The following TLE3 variants were observed in gnomAD, a reference collection of about 807,000 sequenced individuals.
TLE3 encodes transducin-like enhancer protein 3.
In TLE3, 14 loss-of-function variants were observed where a neutral mutation model predicts 93.0. The ratio of observed to expected loss-of-function variants is 0.15; its 90% CI spans 0.10 to 0.24. The LOEUF (loss-of-function observed/expected upper bound fraction) is 0.24, where lower values mean the gene tolerates loss of function less well. Ranked by LOEUF, TLE3 falls within the 10% of genes least tolerant of loss-of-function variation. TLE3 has a pLI of 1.00. For synonymous variants in TLE3, 451 were observed against 425.0 expected (o/e 1.06, Z -0.75); for missense variants, 693 against 1,046.6 (o/e 0.66, Z 4.66).
At chr15:70,057,392 C>T (rs909026757) in intron 13 of TLE3, 67 bp downstream of exon 13, 1 of 1,506,440 alleles carries the variant, frequency 6.6e-7, no homozygotes, top group Non-Finnish European at 8.9e-7. Context: ...GTGGGGAGCA[C>T]CCGTCCAACC....
intron 8 of TLE3, among the ~76,000 whole-genome samples, chr15:70,061,509 A>T (rs1255664287): frequency 2.5e-4 from 38 of 152,134 alleles, no homozygotes; most frequent in Admixed American, 2.5e-3. Context: ...AGGGAAGATG[A>T]CGGAGTAGTC....
At chr15:70,078,211 C>T (rs555373758) in intron 4 of TLE3, among the ~76,000 whole-genome samples, 1 of 152,182 alleles carries the variant, frequency 6.6e-6, no homozygotes, top group East Asian at 1.9e-4. Flanking sequence ...CTTATTTTTT[C>T]CTCGCCTAAA....
At chr15:70,077,516 C>T (rs1315426778) in intron 4 of TLE3, among the ~76,000 whole-genome samples, 3 of 152,212 alleles carry the variant, frequency 2.0e-5, no homozygotes, top group African/African-American at 4.8e-5. Context: ...CCCTGGACCT[C>T]GGGAGAATTC....
At position 70,049,163 on chromosome 15, in the gene TLE3, CAAT is replaced by C. The variant is rs2055305424; in HGVS notation, c.*931_*933del. On this transcript the variant is annotated 3_prime_UTR_variant, in exon 20 of 20. Transcript: ENST00000451782. ...TCCTTTGAACTTCCATTGCTCACAA[CAAT>C]AACTAAGTGTGCACCAAAGAGAAAG... is the stretch of plus-strand genomic sequence containing the variant. 6.6e-6 allele frequency: 1 copy of C among 152,240 alleles called. No homozygotes were observed. The highest frequency in any genetic ancestry group is 2.4e-5 in the African/African-American group (1 of 41,444). The allele number at this position is 152,240 out of a possible 1,614,324, so 9.4% of individuals were successfully genotyped here. A position where few individuals can be genotyped will look rare whatever the true frequency, so the allele number is the denominator to read the frequency against.
At chr15:70,066,731 A>G (rs1233502827) in intron 6 of TLE3, 1 of 169,812 alleles carries the variant, frequency 5.9e-6, no homozygotes, top group African/African-American at 2.4e-5. Context: ...AGGGCAGGTC[A>G]TCACAGCAAA....
intron 2 of TLE3, chr15:70,095,865 C>T (rs2058530003): frequency 1.6e-6 from 1 of 641,408 alleles, no homozygotes; most frequent in Non-Finnish European, 2.7e-6. Context: ...CTTATCACGG[C>T]AGCAGGGGAG....
chr15:70,080,838 T>G (rs1313000915), intron 4 of TLE3, among the ~76,000 whole-genome samples: 1 of 152,222 alleles, frequency 6.6e-6, no homozygotes, highest in African/African-American at 2.4e-5. Flanking sequence ...GCTCTTGATC[T>G]GTACCCCCCA....
rs7179730 is a variant in TLE3, at chr15:70,055,136, G to A, written c.1491C>T (p.His497=). Residue 497 remains histidine, a synonymous_variant, in exon 15 of 20, where the codon CAC becomes CAT. Transcript: ENST00000451782. Reference sequence around the variant, plus strand: ...CGCAGCCCTTGCCACCTGTGTAGACGTGCCTCGTGGGGTTGCTGATGGTCA... The same window carrying A: ...CGCAGCCCTTGCCACCTGTGTAGACATGCCTCGTGGGGTTGCTGATGGTCA... The part of the protein sequence containing the change: ...CAVTISNPTR[H]VYTGGKGCVK... 1.5e-4 allele frequency: 248 copies of A among 1,614,054 alleles called. 2 individuals carry two copies. The African/African-American group carries it at 2.9e-3, about 19-fold the overall frequency.
At chr15:70,074,015 T>C (rs1220511394) in intron 6 of TLE3, among the ~76,000 whole-genome samples, 1 of 152,218 alleles carries the variant, frequency 6.6e-6, no homozygotes, top group East Asian at 1.9e-4. Context: ...GCGTACATGA[T>C]GAATGCTCAG....
At chr15:70,094,055 T>C (rs1400580057) in intron 4 of TLE3, among the ~76,000 whole-genome samples, 1 of 152,052 alleles carries the variant, frequency 6.6e-6, no homozygotes, top group Non-Finnish European at 1.5e-5. Flanking sequence ...TTCGTTCCCT[T>C]AAATTTCGAC....
chr15:70,052,247 G>A (rs1045092250), intron 18 of TLE3, 127 bp downstream of exon 18: 1 of 1,231,476 alleles, frequency 8.1e-7, no homozygotes, highest in African/African-American at 1.5e-5. Flanking sequence ...CAGCTCAGGG[G>A]TCAGGAGGCC....
chr15:70,057,557 C>G lies in TLE3; in HGVS notation c.1153G>C (p.Ala385Pro). The change falls in exon 13 of 20, where the codon GCC becomes CCC. Residue 385 changes from alanine (A) to proline (P), a missense_variant. By Grantham distance (27) the Ala-to-Pro change is conservative. This residue lies in a region of TLE3 where 405 missense variants were observed against 468.9 expected (regional missense o/e 0.86). Transcript: ENST00000451782. ...GGGATGTTGTGGAGGCCGGCGTAGG[C>G]GCCAGGACTGGTGAGGGAGCCGTTC... ...EMNGSLTSPG[A>P]YAGLHNIPPQ... The G allele has an allele frequency of 6.2e-7, 1 of 1,602,642 alleles. No homozygotes were observed. Among genetic ancestry groups the G allele is most frequent in the South Asian group, 1.1e-5 (1 of 89,200 alleles).
chr15:70,097,372 G>A lies in TLE3; in HGVS notation c.-574C>T, dbSNP rs1046372566. The A allele has an allele frequency of 1.7e-5, 7 of 405,814 alleles. No individual in the cohort carries two copies. Among genetic ancestry groups the A allele is most frequent in the Admixed American group, 8.8e-5 (2 of 22,720 alleles). The allele number at this position is 405,814 out of a possible 1,614,324, so 25.1% of individuals were successfully genotyped here. On this transcript the variant is annotated 5_prime_UTR_variant, in exon 1 of 20. Transcript: ENST00000451782. The stretch of plus-strand genomic sequence containing the variant: ...GCTTGGGGCCGCAGGAGCGCCGGAG[G>A]GTGAGGGCGGGAGCCCGGCGCGGGC...
chr15:70,085,985 G>T (rs959637174), intron 4 of TLE3, among the ~76,000 whole-genome samples: 3 of 152,200 alleles, frequency 2.0e-5, no homozygotes, highest in Non-Finnish European at 2.9e-5. Flanking sequence ...AAAAGAAGCA[G>T]GTAAGGGTTT....
rs772951831 is a variant in TLE3, at chr15:70,050,059, T to C, written c.*38A>G. 3.2e-6 allele frequency: 5 copies of C among 1,578,604 alleles called. No individual in the cohort carries two copies. In the African/African-American group the frequency reaches 6.7e-5, roughly 21 times the overall value. On this transcript the variant is annotated 3_prime_UTR_variant, in exon 20 of 20. Transcript: ENST00000451782. ...GGTCTCCCTGTCAGAGCCGAGTCGG[T>C]TTCTCCCAGAGTTTGACAGCCCTGC... is the stretch of plus-strand genomic sequence containing the variant.
At position 70,057,599 on chromosome 15, in the gene TLE3, T is replaced by C. The variant is rs1389580599; in HGVS notation, c.1111A>G (p.Met371Val). 8 of 1,596,020 alleles carry C rather than the reference T, an allele frequency of 5.0e-6. No homozygotes were observed. The highest frequency in any genetic ancestry group is 5.1e-6 in the Non-Finnish European group (6 of 1,172,646). The change falls in exon 13 of 20, where the codon ATG becomes GTG. Residue 371 changes from methionine (M) to valine (V), a missense_variant. Physicochemically the swap from Met to Val is conservative, Grantham distance 21. Around this residue, in one of 4 missense-constraint regions of TLE3, gnomAD observed 405 missense variants for 468.9 expected, o/e 0.86. Coordinates refer to ENST00000451782, the MANE Select transcript of TLE3 (RefSeq NM_001105192.3). Reference protein sequence around the residue: ...TSSYAAPFAMMSHHEMNGSLT... With the variant: ...TSSYAAPFAMVSHHEMNGSLT... Reference sequence around the variant, plus strand: ...GAGCCGTTCATCTCATGGTGGCTCATCATGGCGAAGGGCGCCGCATAGGAG... The same window carrying C: ...GAGCCGTTCATCTCATGGTGGCTCACCATGGCGAAGGGCGCCGCATAGGAG...
chr15:70,090,276 G>A (rs2142025385), intron 4 of TLE3, among the ~76,000 whole-genome samples: 1 of 146,340 alleles, frequency 6.8e-6, no homozygotes, highest in South Asian at 2.4e-4. Flanking sequence ...GAAAAGTCAA[G>A]ACAGATACCA....
chr15:70,064,525 G>A, intron 7 of TLE3, 55 bp from the exon 8 acceptor site: 6 of 1,610,672 alleles, frequency 3.7e-6, no homozygotes, highest in Admixed American at 1.7e-5. Context: ...AAAACAAAAA[G>A]ACAAAAAAGA....
intron 6 of TLE3, among the ~76,000 whole-genome samples, chr15:70,073,705 C>T (rs945421264): frequency 2.0e-5 from 3 of 152,352 alleles, no homozygotes; most frequent in East Asian, 1.9e-4. Flanking sequence ...TGGACAGGTA[C>T]ACCCCAAGGG....
Sources: allele counts gnomAD v4.1 joint callset (sites outside exome capture counted in the v4.1 genomes callset), GRCh38; gene constraint gnomAD v4.1.1; regional missense constraint gnomAD v4.1.1; transcripts MANE v1.5; gene names NCBI Gene and HGNC (gene_info 2026-07-23, HGNC 2026-07-21).